The following FOXJ3 variants were observed in gnomAD, a reference collection of about 807,000 sequenced individuals.
The protein encoded by FOXJ3 is forkhead box J3, also known as forkhead box protein J3.
FOXJ3 carries 22 observed loss-of-function variants against 76.1 expected under a neutral mutation model. The observed-to-expected ratio is 0.29, with a 90% CI of 0.21 to 0.41. The LOEUF is 0.41. Ranked by LOEUF, FOXJ3 falls within the 10% of genes least tolerant of loss-of-function variation. FOXJ3 has a pLI of 1.00. For missense variants in FOXJ3, 613 were observed against 762.1 expected (o/e 0.80, Z 2.30); for synonymous variants, 269 against 261.2 (o/e 1.03, Z -0.29).
intron 2 of FOXJ3, among the ~76,000 whole-genome samples, chr1:42,291,099 C>CAGACAGACAGACAGACAGAT (rs67792405): frequency 8.7e-5 from 13 of 149,070 alleles, no homozygotes; most frequent in African/African-American, 3.0e-4. Flanking sequence ...GACAGACAGA[C>CAGACAGACAGACAGACAGAT]AGATAGATCC....
intron 1 of FOXJ3, among the ~76,000 whole-genome samples, chr1:42,324,402 C>T (rs1655706132): frequency 6.8e-6 from 1 of 146,620 alleles, no homozygotes; most frequent in African/African-American, 2.5e-5. Context: ...ACTATATATA[C>T]TATATATAAC....
intron 2 of FOXJ3, among the ~76,000 whole-genome samples, chr1:42,305,944 T>C (rs1211158868): frequency 6.6e-6 from 1 of 152,216 alleles, no homozygotes; most frequent in Non-Finnish European, 1.5e-5. Context: ...ATGCACTGCA[T>C]GCCTGTATCA....
intron 4 of FOXJ3, among the ~76,000 whole-genome samples, chr1:42,247,321 AT>A (rs1649633400): frequency 6.6e-6 from 1 of 152,206 alleles, no homozygotes; most frequent in South Asian, 2.1e-4. Context: ...TTTTAAAAAA[AT>A]TTTTAAGAAG....
At chr1:42,248,575 T>G (rs1649738032) in intron 4 of FOXJ3, among the ~76,000 whole-genome samples, 1 of 151,026 alleles carries the variant, frequency 6.6e-6, no homozygotes. Flanking sequence ...GGTATGTAAA[T>G]TTTTTCTCAA....
chr1:42,203,228 A>G (rs1646796209), intron 6 of FOXJ3, among the ~76,000 whole-genome samples: 2 of 152,162 alleles, frequency 1.3e-5, no homozygotes, highest in African/African-American at 2.4e-5. Context: ...TTTCTTGACC[A>G]TATCAGTTAT....
Position 42,271,225 on chromosome 1 carries a change from G to A in FOXJ3, c.370-6036C>T, listed in dbSNP as rs951623857. Among the ~76,000 whole-genome samples the A allele has an allele frequency of 9.9e-4, 150 of 152,124 alleles. 1 individual carries two copies. The highest frequency in any genetic ancestry group is 3.6e-3 in the African/African-American group (148 of 41,496). On this transcript the variant is annotated intron_variant, in intron 3 of 12. Transcript: ENST00000361346. ...TTCTTCAATTTGCTTTTTTCTGTGT[G>A]ATCACATTATTAATTCAAAACAATG...
Position 42,191,633 on chromosome 1 carries a change from G to T in FOXJ3, c.1021C>A (p.His341Asn). Residue 341 changes from histidine to asparagine, a missense_variant, in exon 9 of 13, where the codon CAC becomes AAC. Physicochemically the swap from His to Asn is moderately conservative, Grantham distance 68 (BLOSUM62 1). Transcript: ENST00000361346. Reference sequence around the variant, plus strand: ...AGGCTGCTTTGGTTGCTGTGTGGGTGAGTGCTCACTGTACTGCTGGGAGAG... The same window carrying T: ...AGGCTGCTTTGGTTGCTGTGTGGGTTAGTGCTCACTGTACTGCTGGGAGAG... ...QHSPSSTVST[H>N]PHSNQSSLSN... 6.2e-7 allele frequency: 1 copy of T among 1,614,184 alleles called. No homozygotes were observed. The highest frequency in any genetic ancestry group is 8.5e-7 in the Non-Finnish European group (1 of 1,180,034).
chr1:42,198,691 C>T (rs1646701304), intron 7 of FOXJ3, among the ~76,000 whole-genome samples: 1 of 152,134 alleles, frequency 6.6e-6, no homozygotes, highest in Non-Finnish European at 1.5e-5. Flanking sequence ...ACCAGGCCAC[C>T]CTAACCTCTG....
intron 5 of FOXJ3, among the ~76,000 whole-genome samples, chr1:42,213,940 T>C (rs1411661661): frequency 1.3e-5 from 2 of 152,228 alleles, no homozygotes; most frequent in East Asian, 1.9e-4. Context: ...CCACAAATGA[T>C]ATCTGAAGTG....
chr1:42,208,166 A>G (rs1646896300), intron 5 of FOXJ3, among the ~76,000 whole-genome samples: 1 of 152,244 alleles, frequency 6.6e-6, no homozygotes, highest in Non-Finnish European at 1.5e-5. Context: ...ACAGTATTTC[A>G]TGTAAAGCGC....
rs1261069854 is a variant in FOXJ3 at position 42,182,043 on chromosome 1, G to T, written c.1646-19C>A. 2 of 1,394,722 alleles carry T rather than the reference G, an allele frequency of 1.4e-6. No homozygotes were observed. Among genetic ancestry groups the T allele is most frequent in the Admixed American group, 3.6e-5 (2 of 55,682 alleles). The allele number at this position is 1,394,722 out of a possible 1,614,324, so 86.4% of individuals were successfully genotyped here. A position where few individuals can be genotyped will look rare whatever the true frequency, so the allele number is the denominator to read the frequency against. On this transcript the variant is annotated intron_variant, in intron 11 of 12. Coordinates refer to ENST00000361346, the MANE Select transcript of FOXJ3 (RefSeq NM_014947.5). ...AAATTTCCTAATCAGATTAAAAGCA[G>T]AAAGAGGGAAAACATGTTACCACAA...
chr1:42,328,070 G>A (rs1655944985), intron 1 of FOXJ3, among the ~76,000 whole-genome samples: 1 of 152,206 alleles, frequency 6.6e-6, no homozygotes, highest in South Asian at 2.1e-4. Context: ...ACCAAGGAGG[G>A]AGGAAGAGGC....
rs112926399 is a variant in FOXJ3, at chr1:42,262,793, G to A, written c.444+2322C>T. Among the ~76,000 whole-genome samples, 581 of 152,362 alleles carry A rather than the reference G, an allele frequency of 3.8e-3. 4 individuals carry two copies. Among genetic ancestry groups the A allele is most frequent in the African/African-American group, 0.014 (569 of 41,586 alleles). Reference sequence around the variant, plus strand: ...AAACCCGGGAGACGGAGGCTGCAGTGAGCTGAGACTGCACCACTGCACTCC... The same window carrying A: ...AAACCCGGGAGACGGAGGCTGCAGTAAGCTGAGACTGCACCACTGCACTCC... On this transcript the variant is annotated intron_variant, in intron 4 of 12. Coordinates refer to ENST00000361346, the MANE Select transcript of FOXJ3 (RefSeq NM_014947.5).
chr1:42,191,472 C>A lies in FOXJ3; in HGVS notation c.1182G>T (p.Pro394=), dbSNP rs190141785. ...GTGGTGCTGGGTGTGGGGAACGCTG[C>A]GGATGCTGCGGTAAACCATGCGGTC... ...PHRPHGLPQH[P]QRSPHPAPHP... The change falls in exon 9 of 13, where the codon CCG becomes CCT. Residue 394 remains proline, a synonymous_variant. Coordinates refer to ENST00000361346, the MANE Select transcript of FOXJ3 (RefSeq NM_014947.5). 2.2e-5 allele frequency: 35 copies of A among 1,613,172 alleles called. 1 individual carries two copies. The Admixed American group carries it at 5.5e-4, about 25-fold the overall frequency.
intron 1 of FOXJ3, among the ~76,000 whole-genome samples, chr1:42,316,192 A>G (rs1184709765): frequency 6.6e-6 from 1 of 152,134 alleles, no homozygotes; most frequent in African/African-American, 2.4e-5. Context: ...TTTAAGAGAC[A>G]GAGTCTTGCT....
At chr1:42,217,306 G>T (rs1432260019) in intron 5 of FOXJ3, among the ~76,000 whole-genome samples, 1 of 152,056 alleles carries the variant, frequency 6.6e-6, no homozygotes, top group African/African-American at 2.4e-5. Flanking sequence ...CGAGGGTGGC[G>T]GATCACAAGA....
chr1:42,253,001 T>C (rs1650228980), intron 4 of FOXJ3, among the ~76,000 whole-genome samples: 1 of 151,294 alleles, frequency 6.6e-6, no homozygotes. Flanking sequence ...GGTATTCAAT[T>C]AGGAAAAGAG....
intron 1 of FOXJ3, among the ~76,000 whole-genome samples, chr1:42,334,585 C>T (rs912844532): frequency 6.6e-6 from 1 of 152,256 alleles, no homozygotes; most frequent in Non-Finnish European, 1.5e-5. Context: ...CCCAAAGGGC[C>T]ACTCCAAGGC....
intron 2 of FOXJ3, among the ~76,000 whole-genome samples, chr1:42,303,860 G>A (rs1200572462): frequency 2.6e-5 from 4 of 152,102 alleles, no homozygotes; most frequent in African/African-American, 9.7e-5. Flanking sequence ...ATTTCAACAA[G>A]CCCTAAGAAA....
Sources: gnomAD v4.1 joint callset for allele counts (sites outside exome capture counted in the v4.1 genomes callset) on GRCh38, gnomAD v4.1.1 for gene constraint, MANE v1.5 for transcripts, NCBI Gene and HGNC (gene_info 2026-07-23, HGNC 2026-07-21) for gene names.